Variants in TMEM161B observed in about 807,000 individuals in gnomAD.
TMEM161B encodes transmembrane protein 161B.
In TMEM161B, 34 loss-of-function variants were observed where a neutral mutation model predicts 61.8. The observed-to-expected ratio is 0.55, with a 90% confidence interval of 0.42 to 0.73. TMEM161B has a LOEUF of 0.73. Ranked by LOEUF, TMEM161B falls within the 30% of genes least tolerant of loss-of-function variation. TMEM161B has a pLI of 0.00. For missense variants in TMEM161B, 456 were observed against 558.5 expected, an observed-to-expected ratio of 0.82 and a Z score of 1.85; for synonymous variants, 167 against 192.8, an observed-to-expected ratio of 0.87 and a Z score of 1.11.
intron 5 of TMEM161B, among the ~76,000 whole-genome samples, chr5:88,211,620 T>G (rs1194514587): frequency 1.3e-5 from 2 of 151,532 alleles, no homozygotes; most frequent in Admixed American, 1.3e-4. Flanking sequence ...TAGCCGGGCG[T>G]GGCGGCGGGC....
intron 9 of TMEM161B, chr5:88,202,209 A>T: frequency 2.2e-6 from 1 of 444,798 alleles, no homozygotes; most frequent in Non-Finnish European, 4.5e-6. Flanking sequence ...AGTTTGAACC[A>T]GTTCTGTCTG....
In TMEM161B at chr5:88,230,457, T is replaced by C. The variant is rs778991483; in HGVS notation, c.108-1929A>G. On this transcript the variant is annotated intron_variant, in intron 2 of 11. Coordinates refer to ENST00000296595, the MANE Select transcript of TMEM161B (RefSeq NM_153354.5). ...CTCCTTGTATACTTGAAAATTCCCA[T>C]TAAAACACATATTTCAAGGCCCACA... Among the ~76,000 whole-genome samples the C allele has an allele frequency of 5.3e-5, 8 of 152,144 alleles. 1 individual carries two copies. The highest frequency in any genetic ancestry group is 4.1e-4 in the South Asian group (2 of 4,832).
chr5:88,212,202 AC>A (rs1378481172), intron 5 of TMEM161B, among the ~76,000 whole-genome samples: 1 of 152,218 alleles, frequency 6.6e-6, no homozygotes, highest in African/African-American at 2.4e-5. Flanking sequence ...GAATTCTATA[AC>A]CAACCAAATG....
chr5:88,238,362 T>C (rs1437289756), intron 2 of TMEM161B, among the ~76,000 whole-genome samples: 1 of 151,996 alleles, frequency 6.6e-6, no homozygotes, highest in East Asian at 1.9e-4. Context: ...AGAACATTTA[T>C]TTACAATTTA....
chr5:88,232,412 AAATAACTCATATAAAAGAAAATGATCCAG>A (rs1751154800), intron 2 of TMEM161B, among the ~76,000 whole-genome samples: 1 of 152,226 alleles, frequency 6.6e-6, no homozygotes, highest in Non-Finnish European at 1.5e-5. Flanking sequence ...CACTTATAAG[AAATAACTCATATAAAAGAAAATGATCCAG>A]AATAACTCAT....
chr5:88,210,326 TACAA>T (rs1441363104), intron 5 of TMEM161B, among the ~76,000 whole-genome samples: 21 of 152,284 alleles, frequency 1.4e-4, no homozygotes, highest in African/African-American at 4.8e-4. Flanking sequence ...ATCAATACAA[TACAA>T]ACAGATAATG....
chr5:88,215,193 T>G (rs1747598215), intron 5 of TMEM161B, among the ~76,000 whole-genome samples: 3 of 152,194 alleles, frequency 2.0e-5, no homozygotes, highest in African/African-American at 7.2e-5. Flanking sequence ...CTGAATTAAC[T>G]GAGGTATGTA....
At chr5:88,266,155 A>G (rs923138016) in intron 1 of TMEM161B, among the ~76,000 whole-genome samples, 1 of 152,246 alleles carries the variant, frequency 6.6e-6, no homozygotes, top group African/African-American at 2.4e-5. Context: ...AAACCTTGTT[A>G]TAGGCACAGG....
chr5:88,194,200 T>C (rs535414289), downstream of TMEM161B, among the ~76,000 whole-genome samples: 1 of 152,274 alleles, frequency 6.6e-6, no homozygotes, highest in African/African-American at 2.4e-5. Flanking sequence ...TTTATTTCCA[T>C]GAGTACTCAT....
In TMEM161B at chr5:88,203,728, A is replaced by C. The variant is rs911384049; in HGVS notation, c.801-653T>G. 4.1e-5 allele frequency among the ~76,000 whole-genome samples: 5 copies of C among 121,116 alleles called. No individual in the cohort carries two copies. In the Admixed American group the frequency reaches 4.4e-4, roughly 11 times the overall value. The allele number at this position is 121,116 out of a possible 152,430, so 79.5% of individuals were successfully genotyped here. ...AATTTCTTTTTGAATGAGTATGAAC[A>C]CACTTGAAATAATTTCCCTATCATA... is the stretch of plus-strand genomic sequence containing the variant. On this transcript the variant is annotated intron_variant, in intron 8 of 11. Coordinates refer to ENST00000296595, the MANE Select transcript of TMEM161B (RefSeq NM_153354.5).
At chr5:88,249,148 C>T (rs1002996308) in intron 1 of TMEM161B, among the ~76,000 whole-genome samples, 3 of 152,100 alleles carry the variant, frequency 2.0e-5, no homozygotes, top group African/African-American at 7.2e-5. Context: ...GGCCTCAAAG[C>T]CCTGTATGCC....
At chr5:88,225,049 C>G (rs1051083986) in intron 4 of TMEM161B, among the ~76,000 whole-genome samples, 31 of 145,684 alleles carry the variant, frequency 2.1e-4, no homozygotes, top group South Asian at 1.5e-3. Context: ...CTCACTGCAA[C>G]CTCCGCCTCC....
Position 88,203,089 on chromosome 5 carries a change from A to G in TMEM161B, c.801-14T>C, listed in dbSNP as rs749255793. ...TGAAGTAAAGTTCTGAAAGTACGTA[A>G]GAAATAAATATAAAAATTCAGAAAC... is the stretch of plus-strand genomic sequence containing the variant. On this transcript the variant is annotated splice_polypyrimidine_tract_variant and intron_variant, in intron 8 of 11. Transcript: ENST00000296595. 6.8e-6 allele frequency: 10 copies of G among 1,473,164 alleles called. No individual in the cohort carries two copies. The South Asian group carries it at 1.2e-4, about 17-fold the overall frequency. The allele number at this position is 1,473,164 out of a possible 1,614,324, so 91.3% of individuals were successfully genotyped here.
chr5:88,235,047 T>C (rs1401846168), intron 2 of TMEM161B, among the ~76,000 whole-genome samples: 1 of 152,218 alleles, frequency 6.6e-6, no homozygotes, highest in Non-Finnish European at 1.5e-5. Flanking sequence ...TACTGTACTC[T>C]ACTAAATTAA....
At chr5:88,240,468 G>A (rs534699281) in intron 2 of TMEM161B, among the ~76,000 whole-genome samples, 10 of 151,794 alleles carry the variant, frequency 6.6e-5, no homozygotes, top group African/African-American at 2.4e-4. Context: ...AGGGGTGGGA[G>A]GACTGAATTC....
downstream of TMEM161B, among the ~76,000 whole-genome samples, chr5:88,185,658 T>C (rs754846855): frequency 6.6e-5 from 10 of 152,204 alleles, no homozygotes; most frequent in Non-Finnish European, 1.0e-4. Context: ...TTGAACTTAG[T>C]TCTAAAGGTT....
At chr5:88,208,498 C>T (rs957976304) in intron 5 of TMEM161B, among the ~76,000 whole-genome samples, 2 of 151,668 alleles carry the variant, frequency 1.3e-5, no homozygotes, top group Non-Finnish European at 2.9e-5. Flanking sequence ...AAAAATTAGC[C>T]GGGCATGGTG....
At chr5:88,213,188 T>G (rs1335782937) in intron 5 of TMEM161B, among the ~76,000 whole-genome samples, 2 of 152,114 alleles carry the variant, frequency 1.3e-5, no homozygotes, top group African/African-American at 2.4e-5. Flanking sequence ...CAAAGAAACC[T>G]AGAAACTGTA....
intron 1 of TMEM161B, among the ~76,000 whole-genome samples, chr5:88,246,192 C>T (rs1439287509): frequency 3.3e-5 from 5 of 151,512 alleles, no homozygotes; most frequent in African/African-American, 1.2e-4. Flanking sequence ...GAATACTATG[C>T]TAAATAAATA....
Sources: allele counts gnomAD v4.1 joint callset (sites outside exome capture counted in the v4.1 genomes callset), GRCh38; gene constraint gnomAD v4.1.1; transcripts MANE v1.5; gene names NCBI Gene and HGNC (gene_info 2026-07-23, HGNC 2026-07-21).